Variants in TRIM51G observed in about 807,000 individuals in gnomAD.
TRIM51G encodes tripartite motif-containing 51G, also known as tripartite motif-containing protein 51G.
chr11:48,975,787 A>T, the TRIM51G span: 12 of 1,563,676 alleles, frequency 7.7e-6, no homozygotes, highest in East Asian at 2.5e-4. Context: ...ATTGTTACAG[A>T]CACCAAAAGC....
the TRIM51G span, chr11:48,980,961 AT>A: frequency 9.7e-6 from 5 of 516,272 alleles, no homozygotes; most frequent in East Asian, 5.7e-5. Context: ...ATTTTCACAC[AT>A]TTTTCTCCAT....
the TRIM51G span, chr11:48,978,897 T>A: frequency 3.1e-5 from 48 of 1,529,642 alleles, no homozygotes; most frequent in Middle Eastern, 6.8e-4. Context: ...AACTGCTTTA[T>A]GGCACATTTG....
At chr11:48,977,989 T>C in the TRIM51G span, 1 of 394,920 alleles carries the variant, frequency 2.5e-6, no homozygotes, top group Non-Finnish European at 5.0e-6. Context: ...GGCAACAAAA[T>C]AGATGACTAC....
the TRIM51G span, chr11:48,975,659 G>T: frequency 1.4e-6 from 2 of 1,433,940 alleles, no homozygotes; most frequent in Non-Finnish European, 9.8e-7. Flanking sequence ...GGAACATATT[G>T]CATTACAAGT....
the TRIM51G span, among the ~76,000 whole-genome samples, chr11:48,982,735 A>G: frequency 6.6e-6 from 1 of 150,662 alleles, no homozygotes; most frequent in Non-Finnish European, 1.5e-5. Flanking sequence ...CCTCTCCTGT[A>G]CAGTGTCATG....
the TRIM51G span, chr11:48,977,069 A>G: frequency 2.3e-5 from 21 of 925,252 alleles, no homozygotes; most frequent in East Asian, 3.9e-4. Context: ...AATTTTGCCA[A>G]TGGGCTGACA....
At chr11:48,979,876 G>A in the TRIM51G span, among the ~76,000 whole-genome samples, 1 of 151,322 alleles carries the variant, frequency 6.6e-6, no homozygotes, top group Admixed American at 6.6e-5. Flanking sequence ...GGAAGAGGAA[G>A]GCAAACAGGA....
the TRIM51G span, among the ~76,000 whole-genome samples, chr11:48,978,329 T>C: frequency 1.5e-3 from 227 of 152,268 alleles, 1 homozygote; most frequent in Admixed American, 3.9e-3. Flanking sequence ...TCATATGTCA[T>C]GAATTTATGT....
the TRIM51G span, among the ~76,000 whole-genome samples, chr11:48,980,527 C>T: frequency 6.6e-6 from 1 of 152,144 alleles, no homozygotes; most frequent in African/African-American, 2.4e-5. Flanking sequence ...CACCAGCATT[C>T]AATTTCATGC....
chr11:48,977,633 C>A, the TRIM51G span, among the ~76,000 whole-genome samples: 2 of 152,080 alleles, frequency 1.3e-5, no homozygotes, highest in Non-Finnish European at 2.9e-5. Flanking sequence ...GAGGCCTACA[C>A]GGTTCAAACA....
At chr11:48,978,318 A>G in the TRIM51G span, among the ~76,000 whole-genome samples, 1 of 152,108 alleles carries the variant, frequency 6.6e-6, no homozygotes, top group Non-Finnish European at 1.5e-5. Context: ...ATCCCAGTCT[A>G]TCATATGTCA....
chr11:48,982,532 G>T, the TRIM51G span, among the ~76,000 whole-genome samples: 2 of 152,000 alleles, frequency 1.3e-5, no homozygotes, highest in Non-Finnish European at 2.9e-5. Flanking sequence ...CTCAATGTGG[G>T]TGGACACTAT....
At chr11:48,981,723 C>A in the TRIM51G span, 2 of 1,591,788 alleles carry the variant, frequency 1.3e-6, no homozygotes, top group Non-Finnish European at 1.7e-6. Flanking sequence ...AGCAGCATGT[C>A]ATTTTGGGTT....
At chr11:48,979,692 C>T in the TRIM51G span, among the ~76,000 whole-genome samples, 12,076 of 151,576 alleles carry the variant, frequency 0.08, 686 homozygotes, top group South Asian at 0.19. Context: ...TGTATATATA[C>T]ATATTTCTCA....
chr11:48,975,605 T>C, the TRIM51G span: 4 of 1,386,630 alleles, frequency 2.9e-6, no homozygotes, highest in South Asian at 4.7e-5. Context: ...CTCACGGTCC[T>C]ACCTTCACAA....
chr11:48,981,107 T>G, the TRIM51G span: 682 of 1,096,168 alleles, frequency 6.2e-4, 5 homozygotes, highest in African/African-American at 1.0e-3. Flanking sequence ...CCACAGAAAA[T>G]AGAGTTTGCT....
the TRIM51G span, among the ~76,000 whole-genome samples, chr11:48,981,973 G>T: frequency 6.6e-6 from 1 of 152,150 alleles, no homozygotes; most frequent in South Asian, 2.1e-4. Flanking sequence ...TTCCCTGGAT[G>T]TCGATATGAA....
the TRIM51G span, chr11:48,979,150 T>C: frequency 5.9e-6 from 4 of 674,350 alleles, no homozygotes; most frequent in African/African-American, 7.1e-5. Context: ...CATCTTCTCT[T>C]GAATTTCACT....
the TRIM51G span, among the ~76,000 whole-genome samples, chr11:48,979,699 C>A: frequency 4.7e-4 from 71 of 151,648 alleles, no homozygotes; most frequent in Non-Finnish European, 7.1e-4. Flanking sequence ...ATACATATTT[C>A]TCATATATGT....
Sources: gnomAD v4.1 joint callset for allele counts (sites outside exome capture counted in the v4.1 genomes callset) on GRCh38, gnomAD v4.1.1 for gene constraint, MANE v1.5 for transcripts, NCBI Gene and HGNC (gene_info 2026-07-23, HGNC 2026-07-21) for gene names.